The following MAPK12 variants were observed in gnomAD, a reference collection of about 807,000 sequenced individuals.
MAPK12 encodes mitogen-activated protein kinase 12, also known as MAP kinase 12.
Under a neutral mutation model 49.1 loss-of-function variants are expected in MAPK12, and 49 were observed. The observed-to-expected ratio is 1.00, with a 90% CI of 0.79 to 1.27. The LOEUF is 1.27. Among genes scored for constraint, MAPK12 ranks in the 50% most tolerant of loss-of-function variants. The probability of loss-of-function intolerance (pLI) is 0.00; values close to 1 mark genes in which losing one functional copy is unlikely to be tolerated. For synonymous variants in MAPK12, 251 were observed against 209.7 expected, an observed-to-expected ratio of 1.20 and a Z score of -1.70; for missense variants, 554 against 502.4, an observed-to-expected ratio of 1.10 and a Z score of -0.98.
At chr22:50,257,652 AG>A (rs2065164042) in intron 3 of MAPK12, 1 of 585,334 alleles carries the variant, frequency 1.7e-6, no homozygotes, top group African/African-American at 1.9e-5. Context: ...TCTGGGTCAG[AG>A]GGGTCGGCTG....
chr22:50,258,115 G>A (rs1339552815), intron 3 of MAPK12, 128 bp downstream of exon 3: 1 of 855,664 alleles, frequency 1.2e-6, no homozygotes, highest in African/African-American at 1.6e-5. Context: ...TGGGGAGGGG[G>A]TGGGCGGTGT....
intron 2 of MAPK12, 39 bp downstream of exon 2, chr22:50,261,128 G>C (rs1443807423): frequency 3.2e-6 from 5 of 1,539,670 alleles, no homozygotes; most frequent in Non-Finnish European, 3.5e-6. Flanking sequence ...ACCAAGCCGA[G>C]GCCGCGGCGC....
chr22:50,261,228 TC>T lies in MAPK12; in HGVS notation c.193del (p.Glu65SerfsTer22). 1 of 1,587,744 alleles carries T rather than the reference TC, an allele frequency of 6.3e-7. No homozygotes were observed. Among genetic ancestry groups the T allele is most frequent in the African/African-American group, 1.4e-5 (1 of 73,154 alleles). On this transcript the variant is annotated frameshift_variant, in exon 2 of 12. Coordinates refer to ENST00000215659, the MANE Select transcript of MAPK12 (RefSeq NM_002969.6). LOFTEE classifies it high-confidence loss of function. ...GCGGTAGGCGCGCTTGGCGAACAGC[TC>T]GGACTGGAAAGGCCGATACAGCTTC... ...IKKLYRPFQS[E>X]LFAKRAYREL...
chr22:50,261,001 G>T, intron 2 of MAPK12, 166 bp downstream of exon 2: 1 of 770,150 alleles, frequency 1.3e-6, no homozygotes, highest in Non-Finnish European at 1.9e-6. Context: ...CGTCTCCCAA[G>T]GAGAGACAGG....
chr22:50,258,590 G>A (rs1296896373), intron 2 of MAPK12, among the ~76,000 whole-genome samples: 4 of 152,376 alleles, frequency 2.6e-5, no homozygotes, highest in South Asian at 2.1e-4. Context: ...GGATGGCTCC[G>A]AACCATCCAA....
At position 50,257,204 on chromosome 22, in the gene MAPK12, G is replaced by C. The variant is rs1332658541; in HGVS notation, c.315-11C>G. The C allele has an allele frequency of 1.6e-5, 25 of 1,605,438 alleles. No homozygotes were observed. The highest frequency in any genetic ancestry group is 2.1e-5 in the Non-Finnish European group (25 of 1,174,116). On this transcript the variant is annotated splice_polypyrimidine_tract_variant and intron_variant, in intron 3 of 11. Transcript: ENST00000215659. Reference sequence around the variant, plus strand: ...GGCATCACCAGGTAACTGTGGGAGGGGCCGGAGCGCTGTCAGCGGACAGAG... The same window carrying C: ...GGCATCACCAGGTAACTGTGGGAGGCGCCGGAGCGCTGTCAGCGGACAGAG...
At chr22:50,258,921 C>G (rs1386548986) in intron 2 of MAPK12, among the ~76,000 whole-genome samples, 1 of 152,118 alleles carries the variant, frequency 6.6e-6, no homozygotes, top group Non-Finnish European at 1.5e-5. Flanking sequence ...ACAGAGTGGC[C>G]GAGGCAGGAG....
At chr22:50,254,553 G>A (rs866372528) in intron 11 of MAPK12, 80 of 718,764 alleles carry the variant, frequency 1.1e-4, no homozygotes, top group South Asian at 3.8e-4. Flanking sequence ...TCGGGAGGCT[G>A]AGGCAGGAGA....
chr22:50,261,341 G>GGCCCCGCCCGCCCCGCCGGCC lies in MAPK12; in HGVS notation c.125+23_125+43dup, dbSNP rs772649766. On this transcript the variant is annotated intron_variant, in intron 1 of 11. Transcript: ENST00000215659. ...GCGGGAAGGCCGGGCACCCCGCGCA[G>GGCCCCGCCCGCCCCGCCGGCC]GCCCCGCCCGCCCCGCCGGCCGCCC... The GGCCCCGCCCGCCCCGCCGGCC allele has an allele frequency of 1.7e-5, 20 of 1,171,366 alleles. 1 individual carries two copies. In the South Asian group the frequency reaches 7.1e-4, roughly 42 times the overall value. 72.6% of individuals were successfully genotyped at this position (1,171,366 alleles called of 1,614,324 possible).
chr22:50,255,792 C>T lies in MAPK12; in HGVS notation c.691+18G>A. The T allele has an allele frequency of 6.2e-7, 1 of 1,612,512 alleles. No individual in the cohort carries two copies. The highest frequency in any genetic ancestry group is 8.5e-7 in the Non-Finnish European group (1 of 1,179,966). On this transcript the variant is annotated intron_variant, in intron 8 of 11. Coordinates refer to ENST00000215659, the MANE Select transcript of MAPK12 (RefSeq NM_002969.6). ...CATCCCCACCCGCCCCTGGTGCCGC[C>T]CTGCGGCTGGAGGATACGGTCGCTG... is the stretch of plus-strand genomic sequence containing the variant.
intron 2 of MAPK12, among the ~76,000 whole-genome samples, chr22:50,259,293 C>A (rs774722832): frequency 6.6e-6 from 1 of 151,982 alleles, no homozygotes; most frequent in African/African-American, 2.4e-5. Context: ...CTGGAGGGTG[C>A]CCGGGAGAGT....
At chr22:50,258,130 C>T (rs2065170787) in intron 3 of MAPK12, 113 bp downstream of exon 3, 5 of 983,750 alleles carry the variant, frequency 5.1e-6, no homozygotes, top group South Asian at 2.6e-5. Context: ...CGGTGTGCAT[C>T]CCCCACTCAG....
At chr22:50,257,437 G>C in intron 3 of MAPK12, 1 of 568,636 alleles carries the variant, frequency 1.8e-6, no homozygotes, top group Non-Finnish European at 3.2e-6. Context: ...CCTGAGGACT[G>C]TCAGGCAGGG....
Position 50,261,591 on chromosome 22 carries a change from C to T in MAPK12, c.-82G>A. 9.9e-7 allele frequency: 1 copy of T among 1,012,994 alleles called. No individual in the cohort carries two copies. The highest frequency in any genetic ancestry group is 4.5e-5 in the South Asian group (1 of 22,084). 62.8% of individuals were successfully genotyped at this position (1,012,994 alleles called of 1,614,324 possible). A position where few individuals can be genotyped will look rare whatever the true frequency, so the allele number is the denominator to read the frequency against. On this transcript the variant is annotated 5_prime_UTR_variant, in exon 1 of 12. Coordinates refer to ENST00000215659, the MANE Select transcript of MAPK12 (RefSeq NM_002969.6). ...GGGACGGGGCTCCCTCGGCGCGCGC[C>T]TCGGGCCGGCTCCGCGCCGCTCGTC...
chr22:50,257,250 A>G (rs2065160520), intron 3 of MAPK12, 57 bp from the exon 4 acceptor site: 1 of 1,427,348 alleles, frequency 7.0e-7, no homozygotes, highest in Non-Finnish European at 9.8e-7. Flanking sequence ...CATCCCAGAG[A>G]CCCACCCAGC....
rs903794795 is a variant in MAPK12, at chr22:50,255,373, G to T, written c.851-3C>A. ...CATCTTCTCCAGGAGGTTCACAGCT[G>T]CGGGGGAAGGTGCATCAGGCCAGAC... is the stretch of plus-strand genomic sequence containing the variant. On this transcript the variant is annotated splice_polypyrimidine_tract_variant and splice_region_variant and intron_variant, in intron 10 of 11. Coordinates refer to ENST00000215659, the MANE Select transcript of MAPK12 (RefSeq NM_002969.6). 5 of 1,612,992 alleles carry T rather than the reference G, an allele frequency of 3.1e-6. No homozygotes were observed. The highest frequency in any genetic ancestry group is 1.7e-5 in the Admixed American group (1 of 60,032).
At chr22:50,259,254 G>A in intron 2 of MAPK12, among the ~76,000 whole-genome samples, 1 of 152,194 alleles carries the variant, frequency 6.6e-6, no homozygotes, top group Non-Finnish European at 1.5e-5. Flanking sequence ...GGGGTGTCCA[G>A]GGGGCAGCGG....
At chr22:50,258,011 G>A (rs930079556) in intron 3 of MAPK12, 6 of 735,406 alleles carry the variant, frequency 8.2e-6, no homozygotes, top group African/African-American at 6.9e-5. Context: ...GGTGCCAGGC[G>A]TGGAGAGAGG....
intron 2 of MAPK12, 106 bp from the exon 3 acceptor site, chr22:50,258,407 T>C (rs1439031077): frequency 5.3e-6 from 5 of 950,126 alleles, no homozygotes; most frequent in African/African-American, 1.6e-5. Flanking sequence ...GCAGCTGTCA[T>C]TGTCATGCCC....
Sources: allele counts gnomAD v4.1 joint callset (sites outside exome capture counted in the v4.1 genomes callset), GRCh38; gene constraint gnomAD v4.1.1; transcripts MANE v1.5; gene names NCBI Gene and HGNC (gene_info 2026-07-23, HGNC 2026-07-21).